The following C1orf52 variants were observed in gnomAD, a reference collection of about 807,000 sequenced individuals.
C1orf52 encodes UPF0690 protein C1orf52.
A neutral mutation model predicts 17.2 loss-of-function variants in C1orf52; 5 were observed. That is an observed-to-expected ratio of 0.29 (90% CI 0.15 to 0.61). The LOEUF (loss-of-function observed/expected upper bound fraction) is 0.61, where lower values mean the gene tolerates loss of function less well. C1orf52 is among the 20% of genes least tolerant of loss of function. The pLI is 0.85. For missense variants in C1orf52, 245 were observed against 234.1 expected (o/e 1.05, Z -0.30); for synonymous variants, 110 against 88.0 (o/e 1.25, Z -1.40).
rs1469905066 is a variant in C1orf52 at position 85,259,565 on chromosome 1, C to T, written c.69G>A (p.Ser23=). The T allele has an allele frequency of 6.2e-7, 1 of 1,611,978 alleles. No individual in the cohort carries two copies. Among genetic ancestry groups the T allele is most frequent in the African/African-American group, 1.3e-5 (1 of 74,882 alleles). Residue 23 remains serine (S), a synonymous_variant, in exon 1 of 3, where the codon TCG becomes TCA. Coordinates refer to ENST00000471115, the MANE Select transcript of C1orf52 (RefSeq NM_198077.4). ...CCGGCTCGATGTTATCCTCCTCGTC[C>T]GAGGAGCCTGAGCTGCTGCTCCCGT... ...AAYGSSSSGS[S]DEEDNIEPEE... is the part of the protein sequence containing the mutation.
In C1orf52 at chr1:85,252,418, C is replaced by T; in HGVS notation, c.*211G>A. On this transcript the variant is annotated 3_prime_UTR_variant, in exon 3 of 3. Coordinates refer to ENST00000471115, the MANE Select transcript of C1orf52 (RefSeq NM_198077.4). ...ATGCATCCAAGTGTTATCAATTTCACAATCACAAGTCACCAGTTGAGTTTT... is the reference window on the plus strand; with the variant it reads ...ATGCATCCAAGTGTTATCAATTTCATAATCACAAGTCACCAGTTGAGTTTT... 2.1e-6 allele frequency: 1 copy of T among 483,972 alleles called. No homozygotes were observed. Among genetic ancestry groups the T allele is most frequent in the South Asian group, 3.1e-5 (1 of 32,000 alleles). 30.0% of individuals were successfully genotyped at this position (483,972 alleles called of 1,614,324 possible). A position where few individuals can be genotyped will look rare whatever the true frequency, so the allele number is the denominator to read the frequency against.
chr1:85,258,470 T>A (rs1660000540), intron 2 of C1orf52, 54 bp downstream of exon 2: 4 of 1,415,586 alleles, frequency 2.8e-6, no homozygotes, highest in Non-Finnish European at 3.9e-6. Flanking sequence ...TCATTCTTTT[T>A]AAGCCCATCA....
chr1:85,254,290 T>A (rs978445405), intron 2 of C1orf52, among the ~76,000 whole-genome samples: 3 of 152,134 alleles, frequency 2.0e-5, no homozygotes, highest in Non-Finnish European at 4.4e-5. Context: ...ACCCCAGGAA[T>A]TTACAAATCA....
rs1390231610 is a variant in C1orf52, at chr1:85,252,158, GACAA to G, written c.*467_*470del. 6.5e-6 allele frequency: 1 copy of G among 152,834 alleles called. No homozygotes were observed. The highest frequency in any genetic ancestry group is 1.5e-5 in the Non-Finnish European group (1 of 68,256). 9.5% of individuals were successfully genotyped at this position (152,834 alleles called of 1,614,324 possible). A position where few individuals can be genotyped will look rare whatever the true frequency, so the allele number is the denominator to read the frequency against. On this transcript the variant is annotated 3_prime_UTR_variant, in exon 3 of 3. Transcript: ENST00000471115. ...CACGACAAATAGGGTACTTGTCACAGACAAACATTCAAATGTTAATGTTATACAG... is the reference window on the plus strand; with the variant it reads ...CACGACAAATAGGGTACTTGTCACAGACATTCAAATGTTAATGTTATACAG...
At chr1:85,255,422 T>C (rs1659912085) in intron 2 of C1orf52, among the ~76,000 whole-genome samples, 1 of 152,012 alleles carries the variant, frequency 6.6e-6, no homozygotes, top group Admixed American at 6.6e-5. Flanking sequence ...TGGTGGCGTG[T>C]GCCTGTAGTC....
At chr1:85,257,948 CA>C (rs975673800) in intron 2 of C1orf52, among the ~76,000 whole-genome samples, 2 of 150,070 alleles carry the variant, frequency 1.3e-5, no homozygotes, top group Non-Finnish European at 1.5e-5. Context: ...TCTACAAAAA[CA>C]AAAAAAACAA....
At chr1:85,253,837 A>G (rs1303951645) in intron 2 of C1orf52, among the ~76,000 whole-genome samples, 2 of 152,232 alleles carry the variant, frequency 1.3e-5, no homozygotes, top group East Asian at 3.8e-4. Context: ...AATGTGTGGT[A>G]TTAAGAACTC....
Position 85,259,638 on chromosome 1 carries a change from G to A in C1orf52, c.-5C>T, listed in dbSNP as rs1660044117. The A allele has an allele frequency of 1.9e-6, 3 of 1,540,070 alleles. No individual in the cohort carries two copies. The highest frequency in any genetic ancestry group is 2.0e-5 in the Admixed American group (1 of 50,566). On this transcript the variant is annotated 5_prime_UTR_variant, in exon 1 of 3. Coordinates refer to ENST00000471115, the MANE Select transcript of C1orf52 (RefSeq NM_198077.4). ...GTCCTTCTCCTCCGCTGCCATGACG[G>A]CTGCGAGCGACAACCCAGCACTCCG...
At chr1:85,254,432 C>G (rs1397209541) in intron 2 of C1orf52, among the ~76,000 whole-genome samples, 1 of 150,276 alleles carries the variant, frequency 6.7e-6, no homozygotes, top group East Asian at 1.9e-4. Context: ...TGCTCTGTTG[C>G]CCAGGATGGA....
intron 2 of C1orf52, among the ~76,000 whole-genome samples, chr1:85,257,854 C>T (rs1045887854): frequency 6.6e-6 from 1 of 152,152 alleles, no homozygotes; most frequent in South Asian, 2.1e-4. Context: ...CCTGTAAATC[C>T]CAACACTTTG....
At chr1:85,259,262 G>A in intron 1 of C1orf52, 96 bp downstream of exon 1, 3 of 1,439,618 alleles carry the variant, frequency 2.1e-6, no homozygotes, top group Non-Finnish European at 2.8e-6. Flanking sequence ...GGGTGACTGC[G>A]TGTGGGGGGA....
At chr1:85,258,798 T>C in intron 1 of C1orf52, 76 bp from the exon 2 acceptor site, 2 of 1,429,244 alleles carry the variant, frequency 1.4e-6, no homozygotes, top group Non-Finnish European at 1.8e-6. Context: ...TGCAACTCCC[T>C]GCCGTTCGCT....
In C1orf52 at chr1:85,259,256, G is replaced by A. The variant is rs1660026557; in HGVS notation, c.276+102C>T. On this transcript the variant is annotated intron_variant, in intron 1 of 2. Transcript: ENST00000471115. ...GGGTGGTGCGGCATCCCGCGGGGGT[G>A]ACTGCGTGTGGGGGGATGGACAGCA... 2.9e-6 allele frequency: 4 copies of A among 1,400,138 alleles called. No individual in the cohort carries two copies. In the South Asian group the frequency reaches 5.2e-5, roughly 18 times the overall value. The allele number at this position is 1,400,138 out of a possible 1,614,324, so 86.7% of individuals were successfully genotyped here. A position where few individuals can be genotyped will look rare whatever the true frequency, so the allele number is the denominator to read the frequency against.
At chr1:85,253,732 GA>G (rs1659857454) in intron 2 of C1orf52, among the ~76,000 whole-genome samples, 1 of 151,512 alleles carries the variant, frequency 6.6e-6, no homozygotes, top group African/African-American at 2.4e-5. Context: ...CTGGAAAAGT[GA>G]ACTCTTTTAT....
chr1:85,258,955 G>C, intron 1 of C1orf52: 2 of 1,394,606 alleles, frequency 1.4e-6, no homozygotes, highest in Non-Finnish European at 1.9e-6. Flanking sequence ...TCCAGTCTCA[G>C]AGATACTACG....
chr1:85,259,507 T>G lies in C1orf52; in HGVS notation c.127A>C (p.Lys43Gln). The change falls in exon 1 of 3, where the codon AAG becomes CAG. Residue 43 changes from lysine to glutamine, a missense_variant. By Grantham distance (53) the Lys-to-Gln change is moderately conservative. Coordinates refer to ENST00000471115, the MANE Select transcript of C1orf52 (RefSeq NM_198077.4). Reference sequence around the variant, plus strand: ...TTGTTCCTACAGCCGCCCGCCGACTTCGCCGGATCCGGGGTTCTGCGACTC... The same window carrying G: ...TTGTTCCTACAGCCGCCCGCCGACTGCGCCGGATCCGGGGTTCTGCGACTC... The part of the protein sequence containing the change: ...ETSRRTPDPA[K>Q]SAGGCRNKAE... 6.2e-7 allele frequency: 1 copy of G among 1,613,866 alleles called. No individual in the cohort carries two copies. The highest frequency in any genetic ancestry group is 8.5e-7 in the Non-Finnish European group (1 of 1,180,008).
intron 2 of C1orf52, among the ~76,000 whole-genome samples, chr1:85,258,037 T>C (rs1390013840): frequency 6.6e-6 from 1 of 151,816 alleles, no homozygotes. Flanking sequence ...GATAATCGCT[T>C]GAACCTGGGA....
At chr1:85,255,337 G>A (rs963929688) in intron 2 of C1orf52, among the ~76,000 whole-genome samples, 1 of 152,140 alleles carries the variant, frequency 6.6e-6, no homozygotes, top group African/African-American at 2.4e-5. Flanking sequence ...GGATCACGAG[G>A]TCAGGAGATC....
intron 2 of C1orf52, among the ~76,000 whole-genome samples, chr1:85,258,089 C>T (rs1230314891): frequency 2.7e-5 from 4 of 150,322 alleles, no homozygotes; most frequent in African/African-American, 9.8e-5. Context: ...CATTGCACTC[C>T]AGCCTGGGCA....
Sources: gnomAD v4.1 joint callset for allele counts (sites outside exome capture counted in the v4.1 genomes callset) on GRCh38, gnomAD v4.1.1 for gene constraint, MANE v1.5 for transcripts, NCBI Gene and HGNC (gene_info 2026-07-23, HGNC 2026-07-21) for gene names.